The following PTPRN2 variants were observed in gnomAD, a reference collection of about 807,000 sequenced individuals.
The protein encoded by PTPRN2 is protein tyrosine phosphatase receptor type N2.
Under a neutral mutation model 118.8 loss-of-function variants are expected in PTPRN2, and 74 were observed. The ratio of observed to expected loss-of-function variants is 0.62; its 90% CI spans 0.52 to 0.76. The LOEUF is 0.76. Ranked by LOEUF, PTPRN2 falls within the 30% of genes least tolerant of loss-of-function variation. The pLI is 0.00. For missense variants in PTPRN2, 1,481 were observed against 1,394.4 expected, an observed-to-expected ratio of 1.06 and a Z score of -0.99; for synonymous variants, 641 against 608.0, an observed-to-expected ratio of 1.05 and a Z score of -0.80.
At chr7:158,146,955 T>A (rs1198827839) in intron 6 of PTPRN2, among the ~76,000 whole-genome samples, 1 of 144,948 alleles carries the variant, frequency 6.9e-6, no homozygotes, top group African/African-American at 2.6e-5. Flanking sequence ...TCCCCCTCAA[T>A]GACACCCCAT....
chr7:158,118,102 A>G (rs1021282770), intron 9 of PTPRN2, among the ~76,000 whole-genome samples: 4 of 152,240 alleles, frequency 2.6e-5, no homozygotes, highest in African/African-American at 9.6e-5. Context: ...TATCTTAAAA[A>G]CAATTACTAG....
intron 2 of PTPRN2, among the ~76,000 whole-genome samples, chr7:158,411,731 G>T (rs1240905113): frequency 6.6e-6 from 1 of 152,226 alleles, no homozygotes; most frequent in Non-Finnish European, 1.5e-5. Context: ...ACCCGCCTCA[G>T]ATGGGAGCAT....
At chr7:157,793,497 C>T (rs964961896) in intron 12 of PTPRN2, among the ~76,000 whole-genome samples, 3 of 145,784 alleles carry the variant, frequency 2.1e-5, no homozygotes, top group Non-Finnish European at 4.5e-5. Flanking sequence ...CTCCAGGGCC[C>T]GTGGCTTCAC....
chr7:157,836,319 G>C (rs1807929309), intron 12 of PTPRN2, among the ~76,000 whole-genome samples: 3 of 152,214 alleles, frequency 2.0e-5, no homozygotes, highest in Non-Finnish European at 4.4e-5. Context: ...AGTTCAACTG[G>C]ATAAGAGGAA....
intron 1 of PTPRN2, among the ~76,000 whole-genome samples, chr7:158,566,234 A>T (rs1056158096): frequency 1.3e-5 from 2 of 152,138 alleles, no homozygotes; most frequent in East Asian, 1.9e-4. Flanking sequence ...GGCACCTGTT[A>T]TCCCAGGCAC....
chr7:158,580,191 G>C (rs1828549459), intron 1 of PTPRN2, among the ~76,000 whole-genome samples: 1 of 152,252 alleles, frequency 6.6e-6, no homozygotes, highest in South Asian at 2.1e-4. Flanking sequence ...GGCTATTTCA[G>C]AGAATGTACA....
At chr7:158,396,632 G>A (rs760218784) in intron 2 of PTPRN2, among the ~76,000 whole-genome samples, 12 of 152,098 alleles carry the variant, frequency 7.9e-5, no homozygotes, top group Non-Finnish European at 1.8e-4. Context: ...CAGGGAACTG[G>A]GGCAGCTCCG....
At chr7:157,564,070 G>C (rs1000711671) in intron 21 of PTPRN2, among the ~76,000 whole-genome samples, 1 of 152,242 alleles carries the variant, frequency 6.6e-6, no homozygotes, top group African/African-American at 2.4e-5. Context: ...ACAGATAGCA[G>C]AAGGTCTTTG....
intron 11 of PTPRN2, among the ~76,000 whole-genome samples, chr7:157,952,433 C>T (rs1021954351): frequency 7.3e-5 from 5 of 68,286 alleles, no homozygotes; most frequent in South Asian, 4.6e-4. Flanking sequence ...GGGAGACAGG[C>T]GAGGGTGGGT....
At chr7:158,151,061 CCGCCTTTCCACTCTTGCCCCTGCCT>C (rs1820997534) in intron 6 of PTPRN2, among the ~76,000 whole-genome samples, 1 of 120,426 alleles carries the variant, frequency 8.3e-6, no homozygotes, top group Non-Finnish European at 1.8e-5. Context: ...CCCACACTGC[CCGCCTTTCCACTCTTGCCCCTGCCT>C]GCCCAAACCG....
chr7:158,493,340 C>A (rs1821597603), intron 1 of PTPRN2, among the ~76,000 whole-genome samples: 3 of 151,696 alleles, frequency 2.0e-5, no homozygotes, highest in Admixed American at 2.0e-4. Flanking sequence ...CATGCCTGCA[C>A]ACATACACAC....
intron 15 of PTPRN2, chr7:157,616,576 A>G (rs773376404): frequency 1.3e-5 from 2 of 152,170 alleles, no homozygotes; most frequent in Non-Finnish European, 2.9e-5. Flanking sequence ...GCCTTCCCAA[A>G]TCCTAGGGCA....
At chr7:158,384,800 C>A (rs1811209773) in intron 2 of PTPRN2, among the ~76,000 whole-genome samples, 1 of 152,170 alleles carries the variant, frequency 6.6e-6, no homozygotes, top group South Asian at 2.1e-4. Flanking sequence ...ACCAAAGGTA[C>A]CAAAACTGAA....
intron 3 of PTPRN2, among the ~76,000 whole-genome samples, chr7:158,275,746 G>A (rs1293463804): frequency 6.6e-6 from 1 of 152,162 alleles, no homozygotes; most frequent in Non-Finnish European, 1.5e-5. Flanking sequence ...CTCCACGTGT[G>A]GCAGGCAGAG....
rs145197521 is a variant in PTPRN2, at chr7:158,137,691, G to A, written c.1132+603C>T. Among the ~76,000 whole-genome samples, 455 of 152,260 alleles carry A rather than the reference G, an allele frequency of 3.0e-3. 1 individual carries two copies. Among genetic ancestry groups the A allele is most frequent in the African/African-American group, 0.01 (417 of 41,554 alleles). ...TTCCAGCAAGGCCCCCTCTGCACCC[G>A]TGCAGAGAGAGGGGCACGTCTGTCA... On this transcript the variant is annotated intron_variant, in intron 7 of 22. Transcript: ENST00000389418.
intron 12 of PTPRN2, among the ~76,000 whole-genome samples, chr7:157,799,588 G>A (rs1805099540): frequency 6.6e-6 from 1 of 152,070 alleles, no homozygotes; most frequent in African/African-American, 2.4e-5. Context: ...ACTGGCCCAG[G>A]GCCTCCACTC....
intron 12 of PTPRN2, among the ~76,000 whole-genome samples, chr7:157,776,530 CTCTCTCCTT>C (rs1425357589): frequency 3.9e-3 from 105 of 26,814 alleles, no homozygotes; most frequent in African/African-American, 0.01. Context: ...TCCCTCTCCT[CTCTCTCCTT>C]CTCCCTCTCC....
chr7:157,751,679 G>A (rs1485451156), intron 12 of PTPRN2, among the ~76,000 whole-genome samples: 3 of 151,990 alleles, frequency 2.0e-5, no homozygotes, highest in African/African-American at 7.3e-5. Context: ...CCGCTGACAC[G>A]CGGTGGAAAG....
chr7:158,418,717 C>T (rs1815000455), intron 2 of PTPRN2, among the ~76,000 whole-genome samples: 1 of 151,956 alleles, frequency 6.6e-6, no homozygotes, highest in Admixed American at 6.5e-5. Flanking sequence ...CTCTCAGTGT[C>T]CCACTGTGTT....
Sources: gnomAD v4.1 joint callset for allele counts (sites outside exome capture counted in the v4.1 genomes callset) on GRCh38, gnomAD v4.1.1 for gene constraint, MANE v1.5 for transcripts, NCBI Gene and HGNC (gene_info 2026-07-23, HGNC 2026-07-21) for gene names.